The following ZNF813 variants were observed in gnomAD, a reference collection of about 807,000 sequenced individuals.
The protein encoded by ZNF813 is zinc finger protein 813.
A neutral mutation model predicts 7.2 loss-of-function variants in ZNF813; 3 were observed. The observed-to-expected ratio is 0.42, with a 90% CI of 0.19 to 1.08. ZNF813 has a LOEUF of 1.08. Ranked by LOEUF, ZNF813 falls within the 50% of genes least tolerant of loss-of-function variation. The probability of loss-of-function intolerance (pLI) is 0.30; values close to 1 mark genes in which losing one functional copy is unlikely to be tolerated. For missense variants in ZNF813, 714 were observed against 753.3 expected (o/e 0.95, Z 0.61); for synonymous variants, 227 against 256.3 (o/e 0.89, Z 1.09).
intron 1 of ZNF813, among the ~76,000 whole-genome samples, chr19:53,473,246 A>G (rs532215836): frequency 2.6e-5 from 4 of 152,218 alleles, no homozygotes; most frequent in African/African-American, 9.6e-5. Context: ...CTCAAGCTTC[A>G]GCTGTGCGTA....
intron 3 of ZNF813, among the ~76,000 whole-genome samples, chr19:53,488,572 C>T (rs2086444653): frequency 6.9e-6 from 1 of 145,644 alleles, no homozygotes; most frequent in South Asian, 2.2e-4. Flanking sequence ...CCACACCCGG[C>T]TAATTTTTTG....
chr19:53,483,432 C>T (rs760695357), intron 1 of ZNF813, among the ~76,000 whole-genome samples: 10 of 152,146 alleles, frequency 6.6e-5, no homozygotes, highest in African/African-American at 1.9e-4. Context: ...AAGAGATCTA[C>T]GCACCTCGGC....
At chr19:53,468,493 CTGAGTTCCCTCAGTATT>C (rs1301793406) in intron 1 of ZNF813, among the ~76,000 whole-genome samples, 1 of 152,208 alleles carries the variant, frequency 6.6e-6, no homozygotes, top group Non-Finnish European at 1.5e-5. Flanking sequence ...GTGCCAGCCT[CTGAGTTCCCTCAGTATT>C]TATTGATCAT....
chr19:53,488,567 C>G (rs1414950072), intron 3 of ZNF813, among the ~76,000 whole-genome samples: 4 of 149,502 alleles, frequency 2.7e-5, no homozygotes, highest in Non-Finnish European at 5.9e-5. Context: ...TGTCACCACA[C>G]CCGGCTAATT....
intron 1 of ZNF813, among the ~76,000 whole-genome samples, chr19:53,471,202 T>G (rs1387016913): frequency 6.6e-6 from 1 of 152,164 alleles, no homozygotes; most frequent in Non-Finnish European, 1.5e-5. Flanking sequence ...TCTAATTGTT[T>G]CAAGTACACA....
At chr19:53,474,223 C>A (rs1442819119) in intron 1 of ZNF813, among the ~76,000 whole-genome samples, 3 of 152,180 alleles carry the variant, frequency 2.0e-5, no homozygotes, top group Non-Finnish European at 4.4e-5. Context: ...CATCCTCTGT[C>A]GGATGCACGG....
chr19:53,468,027 G>T (rs771449940), intron 1 of ZNF813, among the ~76,000 whole-genome samples: 3 of 152,202 alleles, frequency 2.0e-5, no homozygotes, highest in Admixed American at 6.5e-5. Flanking sequence ...TTTCTATCGC[G>T]CATTTTTCCT....
intron 1 of ZNF813, among the ~76,000 whole-genome samples, chr19:53,474,898 T>C (rs920247662): frequency 3.3e-5 from 5 of 152,236 alleles, no homozygotes; most frequent in African/African-American, 1.2e-4. Flanking sequence ...ACTTGGGTTG[T>C]CTTGGAGAGG....
rs66842546 is a variant in ZNF813, at chr19:53,481,344, C to CTTTTTTTTTTTTTTTTTTTTTT, written c.-73-2387_-73-2386insTTTTTTTTTTTTTTTTTTTTTT. Among the ~76,000 whole-genome samples, 120 of 106,368 alleles carry CTTTTTTTTTTTTTTTTTTTTTT rather than the reference C, an allele frequency of 1.1e-3. 7 individuals are homozygous for CTTTTTTTTTTTTTTTTTTTTTT. Among genetic ancestry groups the CTTTTTTTTTTTTTTTTTTTTTT allele is most frequent in the Non-Finnish European group, 1.4e-3 (78 of 55,800 alleles). The allele number at this position is 106,368 out of a possible 152,430, so 69.8% of individuals were successfully genotyped here. A position where few individuals can be genotyped will look rare whatever the true frequency, so the allele number is the denominator to read the frequency against. On this transcript the variant is annotated intron_variant, in intron 1 of 3. Coordinates refer to ENST00000396403, the MANE Select transcript of ZNF813 (RefSeq NM_001004301.4). ...GCTATTCTAAAAGCACCCATGTATT[C>CTTTTTTTTTTTTTTTTTTTTTT]TTTTTTTTTTTTTTTTTTTGAGATG...
At chr19:53,475,021 C>A (rs1458833398) in intron 1 of ZNF813, among the ~76,000 whole-genome samples, 2 of 152,112 alleles carry the variant, frequency 1.3e-5, no homozygotes, top group African/African-American at 4.8e-5. Context: ...GGCATCCTTG[C>A]CATTTGGTGC....
Position 53,488,984 on chromosome 19 carries a change from T to G in ZNF813, c.143-1391T>G, listed in dbSNP as rs148785656. ...AAGCTTTTCGGTATGTGGTATGCAA[T>G]ATAACTGACACAGTCCACTAGTTAA... is the stretch of plus-strand genomic sequence containing the variant. On this transcript the variant is annotated intron_variant, in intron 3 of 3. Coordinates refer to ENST00000396403, the MANE Select transcript of ZNF813 (RefSeq NM_001004301.4). 3.9e-3 allele frequency among the ~76,000 whole-genome samples: 587 copies of G among 152,248 alleles called. 3 individuals carry two copies. The highest frequency in any genetic ancestry group is 0.013 in the African/African-American group (554 of 41,560).
At chr19:53,469,729 C>T (rs574687921) in intron 1 of ZNF813, among the ~76,000 whole-genome samples, 360 of 15,528 alleles carry the variant, frequency 0.023, 2 homozygotes, top group African/African-American at 0.051. Context: ...CAGAGTGGTG[C>T]TGGTGGCAAG....
At chr19:53,488,310 A>C (rs1378498483) in intron 3 of ZNF813, 1 of 449,672 alleles carries the variant, frequency 2.2e-6, no homozygotes, top group Admixed American at 2.4e-5. Context: ...GGTGTGAACC[A>C]CCGCGCCCTG....
At chr19:53,470,361 CA>C (rs2086352528) in intron 1 of ZNF813, among the ~76,000 whole-genome samples, 1 of 121,402 alleles carries the variant, frequency 8.2e-6, no homozygotes, top group African/African-American at 3.5e-5. Flanking sequence ...TGAATGAATG[CA>C]TATTTTTTTT....
chr19:53,485,356 T>A (rs1300304946), intron 2 of ZNF813, among the ~76,000 whole-genome samples: 2 of 152,244 alleles, frequency 1.3e-5, no homozygotes, highest in East Asian at 3.9e-4. Context: ...CTTTTTATAT[T>A]TGTAAAAACT....
rs1038216622 is a variant in ZNF813, at chr19:53,495,045, A to T, written c.*2959A>T. The T allele has an allele frequency of 2.0e-5, 3 of 152,160 alleles. No individual in the cohort carries two copies. Among genetic ancestry groups the T allele is most frequent in the African/African-American group, 7.2e-5 (3 of 41,426 alleles). 9.4% of individuals were successfully genotyped at this position (152,160 alleles called of 1,614,324 possible). On this transcript the variant is annotated 3_prime_UTR_variant, in exon 4 of 4. Transcript: ENST00000396403. ...GCTCAAAAAAAAAAATACTTCTTGT[A>T]AAGTTTGGGTAGAGGAATAATGAAA...
At chr19:53,473,496 C>G (rs923113918) in intron 1 of ZNF813, among the ~76,000 whole-genome samples, 8 of 152,216 alleles carry the variant, frequency 5.3e-5, no homozygotes, top group Middle Eastern at 6.3e-3. Context: ...CTGGCTGGTC[C>G]ACTTGCCCTG....
chr19:53,486,940 G>T (rs1365109399), intron 3 of ZNF813, among the ~76,000 whole-genome samples, 182 bp downstream of exon 3: 1 of 151,410 alleles, frequency 6.6e-6, no homozygotes, highest in African/African-American at 2.4e-5. Flanking sequence ...TCCCCCAGTA[G>T]CTGGTACAGG....
chr19:53,482,760 A>G (rs8113557), intron 1 of ZNF813, among the ~76,000 whole-genome samples: 28,961 of 120,550 alleles, frequency 0.24, 3,198 homozygotes, highest in Middle Eastern at 0.44. Flanking sequence ...ATCTCACTCT[A>G]TTGCCCAGGC....
Sources: allele counts gnomAD v4.1 joint callset (sites outside exome capture counted in the v4.1 genomes callset), GRCh38; gene constraint gnomAD v4.1.1; transcripts MANE v1.5; gene names NCBI Gene and HGNC (gene_info 2026-07-23, HGNC 2026-07-21).